TSPAN5: variants seen among roughly 807,000 people sequenced by gnomAD.
The protein encoded by TSPAN5 is tetraspanin-5.
TSPAN5 carries 10 observed loss-of-function variants against 37.1 expected under a neutral mutation model. The observed-to-expected ratio is 0.27, with a 90% CI of 0.17 to 0.46. The LOEUF (loss-of-function observed/expected upper bound fraction) is 0.46. Among genes scored for constraint, TSPAN5 ranks in the 20% least tolerant of loss-of-function variants. The pLI is 1.00. For missense variants in TSPAN5, 195 were observed against 326.6 expected (o/e 0.60, Z 3.11); for synonymous variants, 110 against 118.9 (o/e 0.93, Z 0.48).
At chr4:98,479,971 C>T (rs949214176) in intron 4 of TSPAN5, among the ~76,000 whole-genome samples, 2 of 152,134 alleles carry the variant, frequency 1.3e-5, no homozygotes, top group South Asian at 2.1e-4. Flanking sequence ...CACTAACCTA[C>T]CCCCACCCTC....
chr4:98,553,551 G>GT (rs1346008019), intron 1 of TSPAN5, among the ~76,000 whole-genome samples: 2 of 152,112 alleles, frequency 1.3e-5, no homozygotes, highest in Admixed American at 6.5e-5. Context: ...TTAAAACTTC[G>GT]TAAGAATGGG....
At chr4:98,472,638 C>A in intron 7 of TSPAN5, 51 bp from the exon 8 acceptor site, 1 of 1,492,048 alleles carries the variant, frequency 6.7e-7, no homozygotes, top group South Asian at 1.1e-5. Flanking sequence ...TAACTTGTTT[C>A]CCTGGCCACT....
intron 1 of TSPAN5, among the ~76,000 whole-genome samples, chr4:98,561,395 A>G (rs960569136): frequency 2.0e-5 from 3 of 152,246 alleles, no homozygotes; most frequent in Non-Finnish European, 4.4e-5. Flanking sequence ...TACTAAAAAT[A>G]CAATATTAGC....
intron 1 of TSPAN5, among the ~76,000 whole-genome samples, chr4:98,643,204 G>A (rs532754772): frequency 3.9e-5 from 6 of 152,012 alleles, no homozygotes; most frequent in African/African-American, 9.7e-5. Flanking sequence ...AAATACCATC[G>A]TGTTATAAAT....
chr4:98,598,859 G>T (rs927429749), intron 1 of TSPAN5, among the ~76,000 whole-genome samples: 64 of 152,158 alleles, frequency 4.2e-4, no homozygotes, highest in Non-Finnish European at 5.9e-5. Context: ...GAACTTCAGA[G>T]TTATTGAACA....
intron 1 of TSPAN5, among the ~76,000 whole-genome samples, chr4:98,548,013 A>C (rs1754509391): frequency 1.9e-5 from 1 of 51,626 alleles, no homozygotes; most frequent in South Asian, 1.1e-3. Flanking sequence ...CTCTGTCTCA[A>C]AAAAAAAAAA....
intron 2 of TSPAN5, among the ~76,000 whole-genome samples, chr4:98,492,368 C>A (rs928149359): frequency 2.0e-5 from 3 of 152,140 alleles, no homozygotes; most frequent in Non-Finnish European, 4.4e-5. Context: ...ATCCAGACAG[C>A]ATTATAAATC....
rs1007359888 is a variant in TSPAN5, at chr4:98,578,577, G to A, written c.82-70849C>T. Among the ~76,000 whole-genome samples the A allele has an allele frequency of 1.2e-4, 19 of 152,006 alleles. No individual in the cohort carries two copies. In the East Asian group the frequency reaches 2.1e-3, roughly 17 times the overall value. On this transcript the variant is annotated intron_variant, in intron 1 of 7. Transcript: ENST00000305798. ...TGGGATTACAGGCACACACCACCAC[G>A]CCCAGCTAATTTTTGTATTTGTAGT...
chr4:98,487,438 G>A (rs1183200195), intron 2 of TSPAN5, among the ~76,000 whole-genome samples: 1 of 152,150 alleles, frequency 6.6e-6, no homozygotes, highest in Non-Finnish European at 1.5e-5. Flanking sequence ...TCTTCTGTAA[G>A]ACCCAATTCA....
intron 1 of TSPAN5, among the ~76,000 whole-genome samples, chr4:98,656,840 CA>C (rs1266613353): frequency 6.6e-6 from 1 of 151,750 alleles, no homozygotes; most frequent in East Asian, 1.9e-4. Context: ...GAGTGCGGTA[CA>C]AAAAAAGAAT....
At chr4:98,540,641 T>C (rs1047593786) in intron 1 of TSPAN5, among the ~76,000 whole-genome samples, 3 of 152,026 alleles carry the variant, frequency 2.0e-5, no homozygotes, top group African/African-American at 7.2e-5. Context: ...CCCAGCCCCC[T>C]CTTTCTTATA....
chr4:98,502,533 T>C (rs181630229), intron 2 of TSPAN5, among the ~76,000 whole-genome samples: 17 of 152,308 alleles, frequency 1.1e-4, no homozygotes, highest in Non-Finnish European at 2.2e-4. Flanking sequence ...GTCCTTGCTT[T>C]GCTGATAAAG....
intron 1 of TSPAN5, among the ~76,000 whole-genome samples, chr4:98,649,951 G>A (rs1757149566): frequency 6.6e-6 from 1 of 152,214 alleles, no homozygotes; most frequent in South Asian, 2.1e-4. Context: ...CTCTAAAACC[G>A]AACCCTGACA....
At chr4:98,594,609 T>C (rs1439805007) in intron 1 of TSPAN5, among the ~76,000 whole-genome samples, 2 of 61,356 alleles carry the variant, frequency 3.3e-5, no homozygotes, top group Non-Finnish European at 5.4e-5. Flanking sequence ...TTGAAATACG[T>C]CCCATCAATA....
At chr4:98,528,881 G>GTA (rs1754019836) in intron 1 of TSPAN5, among the ~76,000 whole-genome samples, 2 of 152,186 alleles carry the variant, frequency 1.3e-5, no homozygotes. Flanking sequence ...TCCCATTTTA[G>GTA]TATGACCATA....
intron 4 of TSPAN5, 65 bp from the exon 5 acceptor site, chr4:98,478,875 C>G: frequency 6.3e-7 from 1 of 1,586,586 alleles, no homozygotes; most frequent in Non-Finnish European, 8.6e-7. Context: ...TACACTCACA[C>G]CCGCCGAACG....
intron 1 of TSPAN5, among the ~76,000 whole-genome samples, chr4:98,536,862 C>G (rs1048102588): frequency 6.6e-6 from 1 of 152,204 alleles, no homozygotes; most frequent in Non-Finnish European, 1.5e-5. Flanking sequence ...CTCTAGTGCC[C>G]CAGGTGGAGC....
chr4:98,532,120 G>T (rs9760870), intron 1 of TSPAN5, among the ~76,000 whole-genome samples: 118,485 of 152,166 alleles, frequency 0.78, 46,912 homozygotes, highest in African/African-American at 0.93. Flanking sequence ...GTTTTAGTCA[G>T]GAAGTCTTTG....
At chr4:98,571,860 TG>T (rs1456296160) in intron 1 of TSPAN5, among the ~76,000 whole-genome samples, 1 of 152,230 alleles carries the variant, frequency 6.6e-6, no homozygotes, top group Non-Finnish European at 1.5e-5. Context: ...CCAGACATTG[TG>T]GATATAACAG....
Sources: allele counts gnomAD v4.1 joint callset (sites outside exome capture counted in the v4.1 genomes callset), GRCh38; gene constraint gnomAD v4.1.1; transcripts MANE v1.5; gene names NCBI Gene and HGNC (gene_info 2026-07-23, HGNC 2026-07-21).